SPATA13: variants seen among roughly 807,000 people sequenced by gnomAD.
The protein encoded by SPATA13 is spermatogenesis-associated protein 13.
A neutral mutation model predicts 104.0 loss-of-function variants in SPATA13; 50 were observed. The ratio of observed to expected loss-of-function variants is 0.48; its 90% CI spans 0.38 to 0.61. The LOEUF (loss-of-function observed/expected upper bound fraction) is 0.61. Among genes scored for constraint, SPATA13 ranks in the 20% least tolerant of loss-of-function variants. SPATA13 has a pLI of 0.00. For missense variants in SPATA13, 1,524 were observed against 1,690.6 expected, an observed-to-expected ratio of 0.90 and a Z score of 1.73; for synonymous variants, 606 against 667.5, an observed-to-expected ratio of 0.91 and a Z score of 1.42.
chr13:24,278,946 T>A (rs192002408), intron 4 of SPATA13: 1 of 706,834 alleles, frequency 1.4e-6, no homozygotes, highest in Non-Finnish European at 2.1e-6. Flanking sequence ...CCTTCCTTCC[T>A]TCCCTCCTTC....
At chr13:23,981,970 A>G (rs1164915826) in intron 1 of SPATA13, among the ~76,000 whole-genome samples, 1 of 152,252 alleles carries the variant, frequency 6.6e-6, no homozygotes, top group Non-Finnish European at 1.5e-5. Flanking sequence ...TCCAACTGGA[A>G]TGTTGTCATT....
chr13:24,157,800 A>T (rs1453608765), upstream of SPATA13, among the ~76,000 whole-genome samples: 1 of 152,176 alleles, frequency 6.6e-6, no homozygotes, highest in African/African-American at 2.4e-5. Flanking sequence ...AGCTCACAGC[A>T]CTGCTTTGTT....
chr13:24,239,329 A>G (rs1252100140), intron 2 of SPATA13, among the ~76,000 whole-genome samples: 1 of 152,198 alleles, frequency 6.6e-6, no homozygotes, highest in Non-Finnish European at 1.5e-5. Context: ...CACTAATTTC[A>G]AAAGTTGAAA....
chr13:24,164,284 G>A (rs943770829), intron 1 of SPATA13, among the ~76,000 whole-genome samples: 2 of 152,212 alleles, frequency 1.3e-5, no homozygotes, highest in Non-Finnish European at 2.9e-5. Context: ...GGCCTCTGCT[G>A]TACCCACATC....
At chr13:24,044,342 C>T (rs910584100) in intron 3 of SPATA13, among the ~76,000 whole-genome samples, 33 of 150,428 alleles carry the variant, frequency 2.2e-4, no homozygotes, top group African/African-American at 7.3e-4. Flanking sequence ...AAGCGATTCT[C>T]CTGCCTCAGC....
At chr13:24,215,569 A>G (rs1257728065) in intron 1 of SPATA13, among the ~76,000 whole-genome samples, 1 of 152,218 alleles carries the variant, frequency 6.6e-6, no homozygotes, top group East Asian at 1.9e-4. Flanking sequence ...TTATGCAAAG[A>G]CAAAAAAATT....
At chr13:24,279,770 GT>G (rs1256378469) in intron 4 of SPATA13, among the ~76,000 whole-genome samples, 1 of 152,226 alleles carries the variant, frequency 6.6e-6, no homozygotes, top group African/African-American at 2.4e-5. Context: ...TAGGAAGTTA[GT>G]GAAGCAAGGA....
At chr13:24,122,150 A>G in intron 3 of SPATA13, 16 of 1,609,528 alleles carry the variant, frequency 9.9e-6, no homozygotes, top group East Asian at 2.2e-5. Context: ...ATGCTTCTCA[A>G]TCATTTTGGA....
intron 1 of SPATA13, among the ~76,000 whole-genome samples, chr13:24,175,802 A>G (rs185795629): frequency 2.6e-4 from 39 of 152,318 alleles, no homozygotes; most frequent in Admixed American, 6.5e-4. Flanking sequence ...TCTAGGTGTC[A>G]TTTTTCTTCT....
At chr13:24,300,510 T>A in intron 12 of SPATA13, 35 bp downstream of exon 12, 1 of 1,590,402 alleles carries the variant, frequency 6.3e-7, no homozygotes, top group Admixed American at 1.7e-5. Flanking sequence ...CCCTTAATGC[T>A]TATCAGTATT....
At chr13:24,250,914 T>C (rs998867920) in intron 3 of SPATA13, among the ~76,000 whole-genome samples, 1 of 152,186 alleles carries the variant, frequency 6.6e-6, no homozygotes, top group African/African-American at 2.4e-5. Flanking sequence ...CCAAAAGGAA[T>C]GTGCGAAGTA....
At chr13:24,233,250 C>CTTTCACACA (rs1872383080) in intron 2 of SPATA13, among the ~76,000 whole-genome samples, 1 of 151,986 alleles carries the variant, frequency 6.6e-6, no homozygotes, top group Admixed American at 6.6e-5. Context: ...ATTATGTGTG[C>CTTTCACACA]TTTCAAAAAA....
intron 1 of SPATA13, among the ~76,000 whole-genome samples, chr13:24,173,543 T>G (rs1307669352): frequency 6.7e-6 from 1 of 150,016 alleles, no homozygotes; most frequent in African/African-American, 2.5e-5. Flanking sequence ...TTGCATTGGC[T>G]ATGGCATCCT....
rs1025612289 is a variant in SPATA13, at chr13:24,295,584, T to C, written c.3210+716T>C. Among the ~76,000 whole-genome samples the C allele has an allele frequency of 2.6e-5, 4 of 151,820 alleles. No homozygotes were observed. The South Asian group carries it at 8.3e-4, about 32-fold the overall frequency. On this transcript the variant is annotated intron_variant, in intron 10 of 12. Coordinates refer to ENST00000382108, the MANE Select transcript of SPATA13 (RefSeq NM_001166271.3). ...CCGTGATCGTGCCCCTGCACTCTAG[T>C]CTGGGTGACAGAGCAAGACTCCGTC...
chr13:24,243,184 A>G (rs1327638283), intron 2 of SPATA13, among the ~76,000 whole-genome samples: 2 of 152,198 alleles, frequency 1.3e-5, no homozygotes, highest in Non-Finnish European at 2.9e-5. Context: ...ACTCATCCAT[A>G]CTTCAGAATC....
intron 4 of SPATA13, among the ~76,000 whole-genome samples, chr13:24,267,324 T>C (rs1455948069): frequency 6.6e-6 from 1 of 152,242 alleles, no homozygotes; most frequent in African/African-American, 2.4e-5. Flanking sequence ...TTTGAGAAGA[T>C]GCCTGATTTC....
rs569959967 is a variant in SPATA13 at position 24,122,292 on chromosome 13, T to C, written c.-111-100527T>C. On this transcript the variant is annotated intron_variant, in intron 3 of 14. Coordinates refer to the SPATA13 transcript ENST00000424834. ...CGATTTTGAATAGTTTGAAAGATAG[T>C]TTGAAACTATTCAAACTATCGATTT... 6 of 1,362,998 alleles carry C rather than the reference T, an allele frequency of 4.4e-6. No individual in the cohort carries two copies. In the Admixed American group the frequency reaches 5.0e-5, roughly 11 times the overall value. The allele number at this position is 1,362,998 out of a possible 1,614,324, so 84.4% of individuals were successfully genotyped here.
intron 3 of SPATA13, among the ~76,000 whole-genome samples, chr13:24,090,547 C>T (rs1879878806): frequency 6.6e-6 from 1 of 152,204 alleles, no homozygotes. Context: ...ATCCAATCCA[C>T]CACGTCCTAC....
intron 2 of SPATA13, among the ~76,000 whole-genome samples, chr13:24,247,563 T>C (rs2138656534): frequency 7.3e-6 from 1 of 136,768 alleles, no homozygotes; most frequent in Admixed American, 8.8e-5. Flanking sequence ...CACTGCAACT[T>C]CCACCTCCCG....
Sources: gnomAD v4.1 joint callset for allele counts (sites outside exome capture counted in the v4.1 genomes callset) on GRCh38, gnomAD v4.1.1 for gene constraint, MANE v1.5 for transcripts, NCBI Gene and HGNC (gene_info 2026-07-23, HGNC 2026-07-21) for gene names.